Variants in SLC30A10 observed in about 807,000 individuals in gnomAD.
The protein encoded by SLC30A10 is calcium/manganese antiporter SLC30A10.
A neutral mutation model predicts 21.7 loss-of-function variants in SLC30A10; 8 were observed. The ratio of observed to expected loss-of-function variants is 0.37; its 90% CI spans 0.22 to 0.67. The LOEUF is 0.67. Ranked by LOEUF, SLC30A10 falls within the 30% of genes least tolerant of loss-of-function variation. The pLI, the probability that SLC30A10 is intolerant of heterozygous loss-of-function variation, is 0.58. For synonymous variants in SLC30A10, 272 were observed against 279.4 expected, an observed-to-expected ratio of 0.97 and a Z score of 0.26; for missense variants, 521 against 642.5, an observed-to-expected ratio of 0.81 and a Z score of 2.04.
intron 2 of SLC30A10, among the ~76,000 whole-genome samples, chr1:219,925,643 ATATATATATTTTTT>A (rs1484767480): frequency 1.3e-4 from 10 of 75,058 alleles, no homozygotes; most frequent in Non-Finnish European, 2.3e-5. Flanking sequence ...ATATATATAT[ATATATATATTTTTT>A]TTTTTTTTTT....
At chr1:219,931,037 T>C (rs1571805323), upstream of SLC30A10, among the ~76,000 whole-genome samples, 2 of 152,238 alleles carry the variant, frequency 1.3e-5, no homozygotes, top group African/African-American at 4.8e-5. Flanking sequence ...GTCTTCAAAC[T>C]GTAAAGCTTC....
intron 1 of SLC30A10, among the ~76,000 whole-genome samples, chr1:219,939,818 A>G (rs1019023820): frequency 1.3e-5 from 2 of 152,178 alleles, no homozygotes; most frequent in Non-Finnish European, 2.9e-5. Flanking sequence ...GAGCCTCTTT[A>G]ACCATGGACC....
upstream of SLC30A10, chr1:219,958,678 A>G (rs1660383193): frequency 6.5e-6 from 1 of 152,680 alleles, no homozygotes; most frequent in East Asian, 1.9e-4. Flanking sequence ...ACTGAGAACC[A>G]GTATCGGCTC....
chr1:219,942,335 A>G (rs1660133331), intron 1 of SLC30A10, among the ~76,000 whole-genome samples: 1 of 152,228 alleles, frequency 6.6e-6, no homozygotes, highest in South Asian at 2.1e-4. Flanking sequence ...GACAAAACTG[A>G]GATCGATGCG....
upstream of SLC30A10, among the ~76,000 whole-genome samples, chr1:219,931,965 C>T (rs1254510889): frequency 6.6e-6 from 1 of 152,096 alleles, no homozygotes; most frequent in African/African-American, 2.4e-5. Context: ...TACCCAAGAC[C>T]ACACAAGCTG....
chr1:219,920,178 A>G (rs1439798589), intron 2 of SLC30A10, among the ~76,000 whole-genome samples: 1 of 152,108 alleles, frequency 6.6e-6, no homozygotes, highest in East Asian at 1.9e-4. Context: ...TTGATTCAAT[A>G]TATACATTAA....
chr1:219,942,792 C>T (rs1446901687), intron 1 of SLC30A10, among the ~76,000 whole-genome samples: 1 of 152,174 alleles, frequency 6.6e-6, no homozygotes, highest in African/African-American at 2.4e-5. Context: ...ATGCCTGAAT[C>T]CCAGCATTCT....
chr1:219,912,069 C>G lies in SLC30A10; in HGVS notation c.*3380G>C, dbSNP rs139234532. Among the ~76,000 whole-genome samples, 325 of 150,964 alleles carry G rather than the reference C, an allele frequency of 2.2e-3. 1 individual carries two copies. Among genetic ancestry groups the G allele is most frequent in the African/African-American group, 7.5e-3 (309 of 40,950 alleles). On this transcript the variant is annotated 3_prime_UTR_variant, in exon 4 of 4. Transcript: ENST00000366926. ...CACAGGGCAGCTGTCTTATTGTAAT[C>G]CCAAATCTACCTCAGTGATTTCCTT... is the stretch of plus-strand genomic sequence containing the variant.
Position 219,915,803 on chromosome 1 carries a change from T to A in SLC30A10, c.1104A>T (p.Glu368Asp). The A allele has an allele frequency of 6.2e-7, 1 of 1,614,168 alleles. No individual in the cohort carries two copies. The highest frequency in any genetic ancestry group is 1.3e-5 in the African/African-American group (1 of 75,028). Residue 368 changes from glutamate (E) to aspartate (D), a missense_variant, in exon 4 of 4, where the codon GAA (glutamate) becomes GAT (aspartate). Transcript: ENST00000366926. ...GYQDASTKIR[E>D]IFHHAGIHNV... ...TGTGGATTCCCGCATGGTGGAAGAT[T>A]TCTCGAATTTTTGTGCTGGCATCTT...
intron 1 of SLC30A10, among the ~76,000 whole-genome samples, chr1:219,944,178 C>G (rs1439390968): frequency 4.8e-5 from 7 of 146,128 alleles, no homozygotes; most frequent in Non-Finnish European, 9.0e-5. Flanking sequence ...CGGGGCATGA[C>G]AGCTTACGCC....
chr1:219,947,788 C>T (rs1238496474), intron 1 of SLC30A10, among the ~76,000 whole-genome samples: 1 of 152,068 alleles, frequency 6.6e-6, no homozygotes, highest in Non-Finnish European at 1.5e-5. Context: ...CAAGATCACA[C>T]CATTGCACTC....
intron 1 of SLC30A10, among the ~76,000 whole-genome samples, chr1:219,933,834 A>T (rs1057137028): frequency 2.0e-5 from 3 of 152,188 alleles, no homozygotes; most frequent in African/African-American, 7.2e-5. Context: ...ATAAGATAAA[A>T]CATGTTTAAG....
At position 219,918,104 on chromosome 1, in the gene SLC30A10, G is replaced by T; in HGVS notation, c.958+151C>A. The stretch of plus-strand genomic sequence containing the variant: ...ACTTGGAGCTGAGTCATCTTAATAG[G>T]CTATAAAACATATGATGACATCTCT... On this transcript the variant is annotated intron_variant, in intron 3 of 3. Transcript: ENST00000366926. The surrounding 1 kb of genome is among the most constrained non-coding windows in gnomAD (Gnocchi z 4.4). The T allele has an allele frequency of 1.9e-6, 2 of 1,041,900 alleles. No homozygotes were observed. Among genetic ancestry groups the T allele is most frequent in the South Asian group, 3.2e-5 (2 of 63,204 alleles). The allele number at this position is 1,041,900 out of a possible 1,614,324, so 64.5% of individuals were successfully genotyped here. A position where few individuals can be genotyped will look rare whatever the true frequency, so the allele number is the denominator to read the frequency against.
At chr1:219,922,186 T>TG (rs1659708640) in intron 2 of SLC30A10, among the ~76,000 whole-genome samples, 4 of 35,960 alleles carry the variant, frequency 1.1e-4, no homozygotes, top group Non-Finnish European at 1.8e-4. Context: ...GTTTTTTTTT[T>TG]TTTTTTTTTT....
upstream of SLC30A10, among the ~76,000 whole-genome samples, chr1:219,931,490 T>A (rs565896415): frequency 1.5e-4 from 23 of 152,316 alleles, no homozygotes; most frequent in South Asian, 4.8e-3. Flanking sequence ...ATTTTATTTT[T>A]ATTTTTTTTA....
chr1:219,917,878 T>C (rs2102526231), intron 3 of SLC30A10, among the ~76,000 whole-genome samples: 1 of 152,050 alleles, frequency 6.6e-6, no homozygotes, highest in Non-Finnish European at 1.5e-5. Flanking sequence ...GCCTGGCTAA[T>C]TTTTTTGTAT....
Position 219,927,854 on chromosome 1 carries a change from G to A in SLC30A10, c.587C>T (p.Thr196Ile). Residue 196 changes from threonine (T) to isoleucine (I), a missense_variant, in exon 1 of 4, where the codon ACC becomes ATC. Transcript: ENST00000366926. ...CTTCTCCCGCTTCCTTTCCACCGAG[G>A]TCCCCCGGAGGGTTACGGCCGAGTC... ...GSDSAVTLRG[T>I]SVERKREKGA... 1 of 1,546,616 alleles carries A rather than the reference G, an allele frequency of 6.5e-7. No individual in the cohort carries two copies. The highest frequency in any genetic ancestry group is 8.7e-7 in the Non-Finnish European group (1 of 1,146,528).
At position 219,911,149 on chromosome 1, in the gene SLC30A10, G is replaced by GTTTTTT; in HGVS notation, c.*4294_*4299dup. Among the ~76,000 whole-genome samples, 709 of 49,256 alleles carry GTTTTTT rather than the reference G, an allele frequency of 0.014. 63 individuals carry two copies. Among genetic ancestry groups the GTTTTTT allele is most frequent in the African/African-American group, 0.038 (644 of 17,032 alleles). 32.3% of individuals were successfully genotyped at this position (49,256 alleles called of 152,430 possible). A position where few individuals can be genotyped will look rare whatever the true frequency, so the allele number is the denominator to read the frequency against. ...ATGTTTCTTCATTTTTTCTACATCA[G>GTTTTTT]TTTTTTTTTTTTTTTTTTTTTTTTT... On this transcript the variant is annotated 3_prime_UTR_variant, in exon 4 of 4. Coordinates refer to ENST00000366926, the MANE Select transcript of SLC30A10 (RefSeq NM_018713.3).
chr1:219,929,757 A>G (rs1659938625), upstream of SLC30A10, among the ~76,000 whole-genome samples: 1 of 152,086 alleles, frequency 6.6e-6, no homozygotes, highest in Non-Finnish European at 1.5e-5. Context: ...CCTGACCTCA[A>G]GTGATCTGCC....
Sources: gnomAD v4.1 joint callset for allele counts (sites outside exome capture counted in the v4.1 genomes callset) on GRCh38, gnomAD v4.1.1 for gene constraint, Gnocchi (gnomAD v3.1) non-coding constraint, MANE v1.5 for transcripts, NCBI Gene and HGNC (gene_info 2026-07-23, HGNC 2026-07-21) for gene names.